Variants in ZC4H2 observed in about 807,000 individuals in gnomAD.
ZC4H2 encodes the protein zinc finger C4H2 domain-containing protein.
For synonymous variants in ZC4H2, 84 were observed against 66.3 expected, an observed-to-expected ratio of 1.27 and a Z score of -1.30; for missense variants, 137 against 173.9, an observed-to-expected ratio of 0.79 and a Z score of 1.19.
chrX:64,957,074 G>C (rs1298735023), intron 1 of ZC4H2, among the ~76,000 whole-genome samples: 1 of 112,439 alleles, frequency 8.9e-6, no homozygotes, highest in African/African-American at 3.2e-5. Flanking sequence ...TAACTTATTA[G>C]GTAGACAAGA....
rs1356508333 is a variant in ZC4H2 at position 64,917,651 on chromosome X, G to T, written c.*132C>A. ...AAGAAATAGGAGCAAAGTGAGAGAG[G>T]GGTTGTGCTTCCATCACATTAAATA... On this transcript the variant is annotated 3_prime_UTR_variant, in exon 5 of 5. Coordinates refer to ENST00000374839, the MANE Select transcript of ZC4H2 (RefSeq NM_018684.4). 3 of 920,482 alleles carry T rather than the reference G, an allele frequency of 3.3e-6. No homozygotes were observed. Among genetic ancestry groups the T allele is most frequent in the Non-Finnish European group, 4.4e-6 (3 of 677,711 alleles). The allele number at this position is 920,482 out of a possible 1,213,427, so 75.9% of individuals were successfully genotyped here. A position where few individuals can be genotyped will look rare whatever the true frequency, so the allele number is the denominator to read the frequency against.
chrX:64,952,809 A>G (rs1354965615), intron 1 of ZC4H2, among the ~76,000 whole-genome samples: 2 of 108,756 alleles, frequency 1.8e-5, no homozygotes, highest in Non-Finnish European at 3.8e-5. Flanking sequence ...ACAGAATTGG[A>G]AAAAAAAACT....
upstream of ZC4H2, among the ~76,000 whole-genome samples, chrX:64,977,259 A>G (rs1931978800): frequency 1.8e-5 from 2 of 111,365 alleles, no homozygotes; most frequent in African/African-American, 3.3e-5. Flanking sequence ...TTGTCAGACC[A>G]TAGAGGAGAA....
chrX:65,027,885 C>T (rs1183206167), intron 1 of ZC4H2, among the ~76,000 whole-genome samples: 1 of 111,852 alleles, frequency 8.9e-6, no homozygotes, highest in Non-Finnish European at 1.9e-5. Context: ...CAGAAGATGA[C>T]ATTCGTCATG....
At chrX:64,991,816 G>A (rs915230451) in intron 1 of ZC4H2, among the ~76,000 whole-genome samples, 4 of 112,089 alleles carry the variant, frequency 3.6e-5, no homozygotes, top group Admixed American at 9.5e-5. Context: ...GGTGTGGTCC[G>A]TCTTTACAAT....
chrX:65,028,654 C>T (rs1932905025), intron 1 of ZC4H2, among the ~76,000 whole-genome samples: 1 of 110,364 alleles, frequency 9.1e-6, no homozygotes, highest in Non-Finnish European at 1.9e-5. Context: ...GCCTCAGCCT[C>T]CTGAATAGTT....
intron 1 of ZC4H2, among the ~76,000 whole-genome samples, chrX:65,028,104 G>T (rs1410300478): frequency 9.0e-6 from 1 of 111,305 alleles, no homozygotes; most frequent in Admixed American, 9.5e-5. Flanking sequence ...GACACAAAAA[G>T]ATATATACCT....
intron 1 of ZC4H2, among the ~76,000 whole-genome samples, chrX:64,931,929 T>C (rs1170530556): frequency 8.9e-6 from 1 of 112,023 alleles, no homozygotes; most frequent in African/African-American, 3.2e-5. Flanking sequence ...CTTGATGATC[T>C]GTCTAGTGCT....
intron 1 of ZC4H2, among the ~76,000 whole-genome samples, chrX:65,026,420 G>A (rs891211525): frequency 9.0e-6 from 1 of 111,665 alleles, no homozygotes; most frequent in African/African-American, 3.3e-5. Context: ...GCAACGAAAG[G>A]AATTTAGCGG....
intron 1 of ZC4H2, among the ~76,000 whole-genome samples, chrX:64,952,204 C>A (rs1930880175): frequency 9.1e-6 from 1 of 110,374 alleles, no homozygotes; most frequent in South Asian, 3.8e-4. Context: ...GTTACTGTAG[C>A]CTTGAAGTAT....
At chrX:64,944,135 TTTTTTC>T (rs1201472185) in intron 1 of ZC4H2, among the ~76,000 whole-genome samples, 6 of 102,556 alleles carry the variant, frequency 5.9e-5, no homozygotes, top group African/African-American at 2.4e-4. Flanking sequence ...AATTTTTTTC[TTTTTTC>T]TTTTTTTTTT....
intron 1 of ZC4H2, among the ~76,000 whole-genome samples, chrX:64,974,487 G>C (rs1210522628): frequency 2.7e-5 from 3 of 111,609 alleles, no homozygotes; most frequent in Non-Finnish European, 5.6e-5. Context: ...AGTGATTTTT[G>C]ATTAAAAGTT....
intron 1 of ZC4H2, among the ~76,000 whole-genome samples, chrX:65,010,781 A>C (rs1932746289): frequency 8.9e-6 from 1 of 112,142 alleles, no homozygotes; most frequent in Non-Finnish European, 1.9e-5. Flanking sequence ...CATTTCTTTA[A>C]ATATATTCAG....
intron 1 of ZC4H2, among the ~76,000 whole-genome samples, chrX:64,997,127 G>A (rs1932429950): frequency 8.9e-6 from 1 of 111,968 alleles, no homozygotes; most frequent in African/African-American, 3.2e-5. Flanking sequence ...TCTGTATATG[G>A]GATCCTCAAT....
At position 64,940,890 on chromosome X, in the gene ZC4H2, T is replaced by C. The variant is rs140260949; in HGVS notation, c.54-18902A>G. Reference sequence around the variant, plus strand: ...TGTCTTTGCTATACGGGCTCTTTTTTGGTTCCACATGAAATTTAAAGTACT... The same window carrying C: ...TGTCTTTGCTATACGGGCTCTTTTTCGGTTCCACATGAAATTTAAAGTACT... On this transcript the variant is annotated intron_variant, in intron 1 of 4. Transcript: ENST00000374839. Among the ~76,000 whole-genome samples, 57 of 112,179 alleles carry C rather than the reference T, an allele frequency of 5.1e-4. 1 individual carries two copies. The highest frequency in any genetic ancestry group is 1.8e-3 in the African/African-American group (56 of 30,853).
intron 1 of ZC4H2, among the ~76,000 whole-genome samples, chrX:65,015,382 G>A (rs1198298947): frequency 8.9e-6 from 1 of 111,927 alleles, no homozygotes; most frequent in Non-Finnish European, 1.9e-5. Flanking sequence ...ATATAGGTCA[G>A]GTCTATTCAA....
chrX:64,938,331 T>C (rs977044118), intron 1 of ZC4H2, among the ~76,000 whole-genome samples: 1 of 111,842 alleles, frequency 8.9e-6, no homozygotes, highest in African/African-American at 3.3e-5. Flanking sequence ...ACCAGACGGA[T>C]TCACAGCCGA....
intron 1 of ZC4H2, among the ~76,000 whole-genome samples, chrX:64,961,317 T>G (rs1931380886): frequency 8.9e-6 from 1 of 111,832 alleles, no homozygotes; most frequent in East Asian, 2.8e-4. Flanking sequence ...TTGTTTGGGA[T>G]GATTTCTATT....
At chrX:64,995,407 C>T (rs1275202708) in intron 1 of ZC4H2, among the ~76,000 whole-genome samples, 1 of 112,259 alleles carries the variant, frequency 8.9e-6, no homozygotes. Context: ...CACTCTGTCA[C>T]TCAGGCTGGA....
Sources: gnomAD v4.1 joint callset for allele counts (sites outside exome capture counted in the v4.1 genomes callset) on GRCh38, gnomAD v4.1.1 for gene constraint, MANE v1.5 for transcripts, NCBI Gene and HGNC (gene_info 2026-07-23, HGNC 2026-07-21) for gene names.